Variants in RAB38 observed in about 807,000 individuals in gnomAD.
RAB38 encodes RAB38, member RAS oncogene family.
Under a neutral mutation model 18.4 loss-of-function variants are expected in RAB38, and 15 were observed. That is an observed-to-expected ratio of 0.82 (90% CI 0.55 to 1.26). The LOEUF (loss-of-function observed/expected upper bound fraction) is 1.26. RAB38 is among the 50% of genes most tolerant of loss of function. RAB38 has a pLI of 0.00. For synonymous variants in RAB38, 101 were observed against 104.4 expected, an observed-to-expected ratio of 0.97 and a Z score of 0.20; for missense variants, 294 against 267.4, an observed-to-expected ratio of 1.10 and a Z score of -0.69.
chr11:87,926,755 C>T, the RAB38 span, among the ~76,000 whole-genome samples: 19 of 152,058 alleles, frequency 1.2e-4, no homozygotes, highest in East Asian at 7.8e-4. Flanking sequence ...AGGACCTGAC[C>T]GGCTAATCTG....
At chr11:87,940,650 A>AGAAAG in the RAB38 span, among the ~76,000 whole-genome samples, 1 of 151,940 alleles carries the variant, frequency 6.6e-6, no homozygotes, top group Non-Finnish European at 1.5e-5. Flanking sequence ...GAGAGAAAGA[A>AGAAAG]AGAAAGAGAA....
the RAB38 span, among the ~76,000 whole-genome samples, chr11:87,907,632 C>T: frequency 3.3e-5 from 5 of 151,272 alleles, no homozygotes; most frequent in Non-Finnish European, 5.9e-5. Context: ...ATATTTTTGA[C>T]ATTTCTTTCA....
chr11:88,073,989 G>A, the RAB38 span, among the ~76,000 whole-genome samples: 13,739 of 139,050 alleles, frequency 0.099, 684 homozygotes, highest in Middle Eastern at 0.16. Context: ...AGTCAAAGGA[G>A]AAAAAAAAAC....
the RAB38 span, among the ~76,000 whole-genome samples, chr11:87,874,787 A>T: frequency 6.6e-6 from 1 of 151,652 alleles, no homozygotes; most frequent in Non-Finnish European, 1.5e-5. Flanking sequence ...TATCAAAAAG[A>T]TAAAAGATAA....
chr11:87,977,865 A>T, the RAB38 span, among the ~76,000 whole-genome samples: 1 of 112,742 alleles, frequency 8.9e-6, no homozygotes, highest in African/African-American at 3.6e-5. Context: ...TAATATACTT[A>T]CAAATATATA....
the RAB38 span, among the ~76,000 whole-genome samples, chr11:88,083,373 C>T: frequency 6.6e-6 from 1 of 151,740 alleles, no homozygotes; most frequent in Non-Finnish European, 1.5e-5. Flanking sequence ...ATTTTAACAT[C>T]TCTGAAATGA....
At chr11:88,101,115 A>C in the RAB38 span, among the ~76,000 whole-genome samples, 1 of 151,964 alleles carries the variant, frequency 6.6e-6, no homozygotes, top group Non-Finnish European at 1.5e-5. Context: ...ACACACCTGG[A>C]AAGGCCTTCT....
At chr11:88,157,122 T>C (rs1198363682) in intron 1 of RAB38, among the ~76,000 whole-genome samples, 1 of 152,048 alleles carries the variant, frequency 6.6e-6, no homozygotes, top group Non-Finnish European at 1.5e-5. Flanking sequence ...ATGACACCCA[T>C]AGGCTCAAAG....
At chr11:87,913,429 TTAAG>T in the RAB38 span, among the ~76,000 whole-genome samples, 2 of 152,178 alleles carry the variant, frequency 1.3e-5, no homozygotes, top group Non-Finnish European at 2.9e-5. Flanking sequence ...TGCCATTTGA[TTAAG>T]TAACCCCTGA....
the RAB38 span, among the ~76,000 whole-genome samples, chr11:88,006,851 G>A: frequency 6.6e-6 from 1 of 151,214 alleles, no homozygotes; most frequent in East Asian, 1.9e-4. Flanking sequence ...GATGGGGAGG[G>A]TTAGGGTGAG....
chr11:87,932,651 C>T, the RAB38 span, among the ~76,000 whole-genome samples: 29 of 152,100 alleles, frequency 1.9e-4, no homozygotes, highest in African/African-American at 7.0e-4. Context: ...TTTCTCAAAG[C>T]TTGCTCTCTG....
the RAB38 span, among the ~76,000 whole-genome samples, chr11:87,902,689 C>T: frequency 6.6e-6 from 1 of 151,298 alleles, no homozygotes; most frequent in South Asian, 2.1e-4. Flanking sequence ...TCTTTAAATT[C>T]TCTCAGCAAT....
the RAB38 span, among the ~76,000 whole-genome samples, chr11:88,042,148 A>T: frequency 5.9e-5 from 9 of 152,224 alleles, no homozygotes; most frequent in African/African-American, 1.7e-4. Flanking sequence ...AAGAAAAAAA[A>T]AATACCATTT....
intron 1 of RAB38, 113 bp downstream of exon 1, chr11:88,175,070 C>T (rs1349730614): frequency 9.0e-5 from 114 of 1,267,340 alleles, no homozygotes; most frequent in Non-Finnish European, 1.3e-5. Context: ...CCAGGAAAAA[C>T]TGCCTCGCGA....
the RAB38 span, among the ~76,000 whole-genome samples, chr11:87,973,205 T>G: frequency 6.6e-6 from 1 of 151,960 alleles, no homozygotes; most frequent in Admixed American, 6.6e-5. Flanking sequence ...AGGAGCTAAA[T>G]AAACAAGCAA....
chr11:87,952,010 T>C, the RAB38 span, among the ~76,000 whole-genome samples: 1 of 152,184 alleles, frequency 6.6e-6, no homozygotes, highest in East Asian at 1.9e-4. Flanking sequence ...CGGCCATCCT[T>C]GGCTCCTCCC....
At chr11:87,977,915 A>T in the RAB38 span, among the ~76,000 whole-genome samples, 95,073 of 96,076 alleles carry the variant, frequency 0.99, 47,049 homozygotes, top group Middle Eastern at 1. Flanking sequence ...TTATATACAT[A>T]AATATGTAGT....
the RAB38 span, among the ~76,000 whole-genome samples, chr11:88,032,718 C>G: frequency 6.6e-6 from 1 of 152,136 alleles, no homozygotes; most frequent in Non-Finnish European, 1.5e-5. Flanking sequence ...ATTAAAAAGT[C>G]AGGAAACAAC....
At chr11:87,960,409 CT>C in the RAB38 span, among the ~76,000 whole-genome samples, 2 of 149,960 alleles carry the variant, frequency 1.3e-5, no homozygotes, top group Non-Finnish European at 3.0e-5. Context: ...AGAAATAAGA[CT>C]TTAACGTTCA....
Sources: allele counts gnomAD v4.1 joint callset (sites outside exome capture counted in the v4.1 genomes callset), GRCh38; gene constraint gnomAD v4.1.1; transcripts MANE v1.5; gene names NCBI Gene and HGNC (gene_info 2026-07-23, HGNC 2026-07-21).